ARHGDIG: variants seen among roughly 807,000 people sequenced by gnomAD.
ARHGDIG encodes Rho GDP dissociation inhibitor gamma.
Under a neutral mutation model 20.2 loss-of-function variants are expected in ARHGDIG, and 14 were observed. The ratio of observed to expected loss-of-function variants is 0.69; its 90% CI spans 0.46 to 1.08. The LOEUF (loss-of-function observed/expected upper bound fraction) is 1.08. ARHGDIG is among the 50% of genes least tolerant of loss of function. The pLI is 0.00. For missense variants in ARHGDIG, 311 were observed against 301.8 expected, an observed-to-expected ratio of 1.03 and a Z score of -0.23; for synonymous variants, 193 against 138.6, an observed-to-expected ratio of 1.39 and a Z score of -2.76.
rs1049114469 is a variant in ARHGDIG at position 283,007 on chromosome 16, C to T, written c.*193C>T. ...CCATTAAACATGGCCCTGTCTCTCT[C>T]GGTGCCCTGGGTGTCGTCTCTTTCT... On this transcript the variant is annotated 3_prime_UTR_variant, in exon 6 of 6. Coordinates refer to ENST00000219409, the MANE Select transcript of ARHGDIG (RefSeq NM_001176.4). 26 of 892,142 alleles carry T rather than the reference C, an allele frequency of 2.9e-5. No individual in the cohort carries two copies. Among genetic ancestry groups the T allele is most frequent in the Non-Finnish European group, 4.2e-5 (26 of 614,066 alleles). The allele number at this position is 892,142 out of a possible 1,614,324, so 55.3% of individuals were successfully genotyped here. A position where few individuals can be genotyped will look rare whatever the true frequency, so the allele number is the denominator to read the frequency against.
rs2052285646 is a variant in ARHGDIG, at chr16:281,731, C to G, written c.74-15C>G. 1 of 1,562,872 alleles carries G rather than the reference C, an allele frequency of 6.4e-7. No individual in the cohort carries two copies. The highest frequency in any genetic ancestry group is 2.4e-5 in the East Asian group (1 of 41,892). ...TCCGCTAGTGGCTGCTGCTCACGCC[C>G]CTCCCCACCCCCAGTCCTCCTGGCT... On this transcript the variant is annotated splice_polypyrimidine_tract_variant and intron_variant, in intron 1 of 5. Coordinates refer to ENST00000219409, the MANE Select transcript of ARHGDIG (RefSeq NM_001176.4).
chr16:282,574 G>T (rs368770509), intron 5 of ARHGDIG, 41 bp from the exon 6 acceptor site: 1 of 1,556,040 alleles, frequency 6.4e-7, no homozygotes, highest in Non-Finnish European at 8.7e-7. Flanking sequence ...GGGGAAGCGG[G>T]GGCAGACAGA....
At chr16:281,556 G>A (rs1424149020) in intron 1 of ARHGDIG, 190 bp from the exon 2 acceptor site, 1 of 618,820 alleles carries the variant, frequency 1.6e-6, no homozygotes, top group South Asian at 2.3e-5. Flanking sequence ...CCTCCTGAAG[G>A]TCTGGGTGCG....
In ARHGDIG at chr16:282,530, G is replaced by A. The variant is rs1394575579; in HGVS notation, c.478G>A (p.Val160Met). The change falls in exon 5 of 6, where the codon GTG (valine) becomes ATG (methionine). Residue 160 changes from valine (V) to methionine (M), a missense_variant and splice_region_variant. By Grantham distance (21) the Val-to-Met change is conservative. Coordinates refer to ENST00000219409, the MANE Select transcript of ARHGDIG (RefSeq NM_001176.4). ...LHHTYRRGLR[V>M]DKTVYMVGSY... ...CCACACCTACCGCCGGGGCCTGCGC[G>A]GTGAGGGCAGCGGTGGGGGGAACGG... The A allele has an allele frequency of 8.1e-6, 13 of 1,597,648 alleles. No homozygotes were observed. The highest frequency in any genetic ancestry group is 2.2e-5 in the South Asian group (2 of 89,360).
chr16:282,228 C>T lies in ARHGDIG; in HGVS notation c.338-69C>T, dbSNP rs572337864. The T allele has an allele frequency of 2.5e-5, 40 of 1,607,604 alleles. No individual in the cohort carries two copies. In the African/African-American group the frequency reaches 3.1e-4, roughly 12 times the overall value. ...CACACCTCATGGGTACCACACCCTACGTGGGGGCTCCTGGAGCAGGTCTCA... is the reference window on the plus strand; with the variant it reads ...CACACCTCATGGGTACCACACCCTATGTGGGGGCTCCTGGAGCAGGTCTCA... On this transcript the variant is annotated intron_variant, in intron 3 of 5. Coordinates refer to ENST00000219409, the MANE Select transcript of ARHGDIG (RefSeq NM_001176.4).
In ARHGDIG at chr16:280,697, C is replaced by A; in HGVS notation, c.17C>A (p.Ala6Glu). ...CGCGCCGCCATGCTGGGCCTGGACGCGTGCGAGCTGGGGGCGCAGCTGCTG... is the reference window on the plus strand; with the variant it reads ...CGCGCCGCCATGCTGGGCCTGGACGAGTGCGAGCTGGGGGCGCAGCTGCTG... MLGLD[A>E]CELGAQLLEL... The change falls in exon 1 of 6, where the codon GCG becomes GAG. Residue 6 changes from alanine (A) to glutamate (E), a missense_variant. Transcript: ENST00000219409. This position sits in a 1 kb window ranked among gnomAD's most constrained non-coding sequence, Gnocchi z 6.6. The A allele has an allele frequency of 8.1e-7, 1 of 1,235,286 alleles. No individual in the cohort carries two copies. The highest frequency in any genetic ancestry group is 1.0e-6 in the Non-Finnish European group (1 of 982,622). 76.5% of individuals were successfully genotyped at this position (1,235,286 alleles called of 1,614,324 possible).
Position 282,509 on chromosome 16 carries a change from A to T in ARHGDIG, c.457A>T (p.Thr153Ser), listed in dbSNP as rs772798542. Residue 153 changes from threonine (T) to serine (S), a missense_variant, in exon 5 of 6, where the codon ACC becomes TCC. Physicochemically the swap from Thr to Ser is moderately conservative, Grantham distance 58. Coordinates refer to ENST00000219409, the MANE Select transcript of ARHGDIG (RefSeq NM_001176.4). Reference protein sequence around the residue: ...IVSGLKCLHHTYRRGLRVDKT... With the variant: ...IVSGLKCLHHSYRRGLRVDKT... ...CAGCGGCCTCAAGTGTCTGCACCAC[A>T]CCTACCGCCGGGGCCTGCGCGGTGA... is the stretch of plus-strand genomic sequence containing the variant. The T allele has an allele frequency of 3.7e-6, 5 of 1,335,064 alleles. No individual in the cohort carries two copies. Among genetic ancestry groups the T allele is most frequent in the Non-Finnish European group, 4.9e-6 (5 of 1,017,626 alleles). The allele number at this position is 1,335,064 out of a possible 1,614,324, so 82.7% of individuals were successfully genotyped here.
chr16:281,436 G>T (rs943270254), intron 1 of ARHGDIG: 1 of 327,540 alleles, frequency 3.1e-6, no homozygotes, highest in Non-Finnish European at 5.7e-6. Flanking sequence ...ACCCTGGGCT[G>T]CCCTCATCTG....
chr16:280,629 G>C lies in ARHGDIG; in HGVS notation c.-52G>C, dbSNP rs2052272916. 1.2e-6 allele frequency: 1 copy of C among 854,934 alleles called. No individual in the cohort carries two copies. The allele number at this position is 854,934 out of a possible 1,614,324, so 53.0% of individuals were successfully genotyped here. On this transcript the variant is annotated 5_prime_UTR_variant, in exon 1 of 6. Transcript: ENST00000219409. This position sits in a 1 kb window ranked among gnomAD's most constrained non-coding sequence, Gnocchi z 6.6. ...CTGAGCGCCGAGCGGGGCGGCGGCG[G>C]GGCGGGCGGCGGCTCCTCGGCGGCT...
At chr16:282,272 A>G (rs2052294061) in intron 3 of ARHGDIG, 25 bp from the exon 4 acceptor site, 1 of 1,612,622 alleles carries the variant, frequency 6.2e-7, no homozygotes, top group Admixed American at 1.7e-5. Context: ...GGGAGTTCCG[A>G]CCCTAGCTGA....
At chr16:282,254 G>T (rs771290643) in intron 3 of ARHGDIG, 43 bp from the exon 4 acceptor site, 1 of 1,611,984 alleles carries the variant, frequency 6.2e-7, no homozygotes, top group South Asian at 1.1e-5. Flanking sequence ...GCAGGTCTCA[G>T]CCTGTAGGGG....
Position 282,448 on chromosome 16 carries a change from C to T in ARHGDIG, c.415-19C>T, listed in dbSNP as rs758551479. ...AGAGGCCTGGCCCCCAGAGGAACCC[C>T]TAATGCCTCTGTTCCCAGGTCCACA... is the stretch of plus-strand genomic sequence containing the variant. On this transcript the variant is annotated intron_variant, in intron 4 of 5. Coordinates refer to ENST00000219409, the MANE Select transcript of ARHGDIG (RefSeq NM_001176.4). 5.5e-5 allele frequency: 88 copies of T among 1,611,912 alleles called. No individual in the cohort carries two copies. Among genetic ancestry groups the T allele is most frequent in the Non-Finnish European group, 7.4e-5 (87 of 1,179,908 alleles).
rs895433108 is a variant in ARHGDIG at position 281,615 on chromosome 16, T to G, written c.74-131T>G. On this transcript the variant is annotated intron_variant, in intron 1 of 5. Transcript: ENST00000219409. ...CTGCTCTCTCTGCTCGCTCTCTCCCTGAGCCCCCAGAGGCTTCCCTTGAGT... is the reference window on the plus strand; with the variant it reads ...CTGCTCTCTCTGCTCGCTCTCTCCCGGAGCCCCCAGAGGCTTCCCTTGAGT... 7 of 1,119,226 alleles carry G rather than the reference T, an allele frequency of 6.3e-6. No individual in the cohort carries two copies. The African/African-American group carries it at 9.5e-5, about 15-fold the overall frequency. The allele number at this position is 1,119,226 out of a possible 1,614,324, so 69.3% of individuals were successfully genotyped here.
rs28699014 is a variant in ARHGDIG at position 281,345 on chromosome 16, T to C, written c.74-401T>C. Reference sequence around the variant, plus strand: ...CCGAGGGCCCTAGAGGGTCAGTAGGTTTGGGGGCCGCCGAGGGCCCTAGAG... The same window carrying C: ...CCGAGGGCCCTAGAGGGTCAGTAGGCTTGGGGGCCGCCGAGGGCCCTAGAG... On this transcript the variant is annotated intron_variant, in intron 1 of 5. Transcript: ENST00000219409. 2.6e-3 allele frequency: 354 copies of C among 137,356 alleles called. 1 individual carries two copies. Among genetic ancestry groups the C allele is most frequent in the Non-Finnish European group, 3.5e-3 (224 of 64,174 alleles). The allele number at this position is 137,356 out of a possible 1,614,324, so 8.5% of individuals were successfully genotyped here. A position where few individuals can be genotyped will look rare whatever the true frequency, so the allele number is the denominator to read the frequency against.
chr16:281,012 T>G, intron 1 of ARHGDIG: 1 of 198,434 alleles, frequency 5.0e-6, no homozygotes, highest in Non-Finnish European at 1.0e-5. Context: ...CCCCTCTGTC[T>G]TGGGTGGGGC....
In ARHGDIG at chr16:280,844, A is replaced by G; in HGVS notation, c.73+91A>G. The G allele has an allele frequency of 1.2e-6, 1 of 829,964 alleles. No individual in the cohort carries two copies. Among genetic ancestry groups the G allele is most frequent in the Non-Finnish European group, 1.5e-6 (1 of 653,558 alleles). The allele number at this position is 829,964 out of a possible 1,614,324, so 51.4% of individuals were successfully genotyped here. ...CCCCGCGGCAACTTTGGGGGCGCGC[A>G]TGGGGACCTCGCGGCGCCGACCCCC... On this transcript the variant is annotated intron_variant, in intron 1 of 5. Transcript: ENST00000219409. This position sits in a 1 kb window ranked among gnomAD's most constrained non-coding sequence, Gnocchi z 6.6.
At position 281,672 on chromosome 16, in the gene ARHGDIG, G is replaced by A. The variant is rs565780110; in HGVS notation, c.74-74G>A. Reference sequence around the variant, plus strand: ...GGATAGTGGGAGGTACAGCTGGCCAGAGGGGGCTCCAGCCTGGTGCTCGAA... The same window carrying A: ...GGATAGTGGGAGGTACAGCTGGCCAAAGGGGGCTCCAGCCTGGTGCTCGAA... On this transcript the variant is annotated intron_variant, in intron 1 of 5. Coordinates refer to ENST00000219409, the MANE Select transcript of ARHGDIG (RefSeq NM_001176.4). 149 of 1,459,480 alleles carry A rather than the reference G, an allele frequency of 1.0e-4. No individual in the cohort carries two copies. The African/African-American group carries it at 1.3e-3, about 13-fold the overall frequency. 90.4% of individuals were successfully genotyped at this position (1,459,480 alleles called of 1,614,324 possible). A position where few individuals can be genotyped will look rare whatever the true frequency, so the allele number is the denominator to read the frequency against.
In ARHGDIG at chr16:282,968, TC is replaced by T; in HGVS notation, c.*158del. On this transcript the variant is annotated 3_prime_UTR_variant, in exon 6 of 6. Coordinates refer to ENST00000219409, the MANE Select transcript of ARHGDIG (RefSeq NM_001176.4). The stretch of plus-strand genomic sequence containing the variant: ...CCCGGGACCCCCTGGCCTGGCGCTG[TC>T]CCCTGAGCTGTCCCATTAAACATGG... 2 of 935,038 alleles carry T rather than the reference TC, an allele frequency of 2.1e-6. No individual in the cohort carries two copies. Among genetic ancestry groups the T allele is most frequent in the Non-Finnish European group, 3.1e-6 (2 of 650,666 alleles). The allele number at this position is 935,038 out of a possible 1,614,324, so 57.9% of individuals were successfully genotyped here.
Position 280,767 on chromosome 16 carries a change from G to A in ARHGDIG, c.73+14G>A. On this transcript the variant is annotated intron_variant, in intron 1 of 5. Coordinates refer to ENST00000219409, the MANE Select transcript of ARHGDIG (RefSeq NM_001176.4). This position sits in a 1 kb window ranked among gnomAD's most constrained non-coding sequence, Gnocchi z 6.6. The stretch of plus-strand genomic sequence containing the variant: ...TGTGCGCCCGAGGTGAGCGGGCCGG[G>A]CAGGGGCGGGGGGCTCGGCTGGTCT... 3 of 1,276,360 alleles carry A rather than the reference G, an allele frequency of 2.4e-6. No homozygotes were observed. Among genetic ancestry groups the A allele is most frequent in the South Asian group, 4.3e-5 (2 of 46,200 alleles). The allele number at this position is 1,276,360 out of a possible 1,614,324, so 79.1% of individuals were successfully genotyped here.
Sources: gnomAD v4.1 joint callset for allele counts on GRCh38, gnomAD v4.1.1 for gene constraint, Gnocchi (gnomAD v3.1) non-coding constraint, MANE v1.5 for transcripts, NCBI Gene and HGNC (gene_info 2026-07-23, HGNC 2026-07-21) for gene names.